Variants in RBM25 observed in about 807,000 individuals in gnomAD.
RBM25 encodes RNA binding motif protein 25.
In RBM25, 19 loss-of-function variants were observed where a neutral mutation model predicts 120.7. The observed-to-expected ratio is 0.16, with a 90% CI of 0.11 to 0.23. The LOEUF is 0.23. Among genes scored for constraint, RBM25 ranks in the 10% least tolerant of loss-of-function variants. The pLI is 1.00. For synonymous variants in RBM25, 390 were observed against 326.7 expected (o/e 1.19, Z -2.09); for missense variants, 605 against 1,041.5 (o/e 0.58, Z 5.77).
intron 18 of RBM25, among the ~76,000 whole-genome samples, chr14:73,117,259 C>G (rs570515998): frequency 7.4e-4 from 59 of 79,282 alleles, no homozygotes; most frequent in Non-Finnish European, 9.5e-4. Flanking sequence ...CAGAGTCTTG[C>G]TCTGTTTCCC....
Position 73,099,755 on chromosome 14 carries a change from T to A in RBM25, c.867+5T>A. The A allele has an allele frequency of 3.1e-6, 5 of 1,597,126 alleles. No individual in the cohort carries two copies. The highest frequency in any genetic ancestry group is 4.3e-6 in the Non-Finnish European group (5 of 1,175,916). ...AAATTCAGAGACACACATAAGGTAGTATTCTTGTCTTTTCACTTGATACCA... is the reference window on the plus strand; with the variant it reads ...AAATTCAGAGACACACATAAGGTAGAATTCTTGTCTTTTCACTTGATACCA... On this transcript the variant is annotated splice_donor_5th_base_variant and intron_variant, in intron 9 of 18. Transcript: ENST00000261973.
chr14:73,094,223 G>A (rs901849534), intron 6 of RBM25, among the ~76,000 whole-genome samples: 7 of 151,380 alleles, frequency 4.6e-5, no homozygotes, highest in Admixed American at 4.6e-4. Context: ...AAAGTGCTGG[G>A]ATTATAGGTG....
At chr14:73,092,722 C>A (rs183676123) in intron 6 of RBM25, among the ~76,000 whole-genome samples, 2 of 152,098 alleles carry the variant, frequency 1.3e-5, no homozygotes, top group East Asian at 3.9e-4. Context: ...ATCCCTCCCA[C>A]CTGCCCCCCA....
At chr14:73,092,858 T>C (rs8009347) in intron 6 of RBM25, among the ~76,000 whole-genome samples, 80,851 of 151,974 alleles carry the variant, frequency 0.53, 21,942 homozygotes, top group East Asian at 0.69. Flanking sequence ...TGAGCCACTG[T>C]GCCCAGCCAG....
rs1425278799 is a variant in RBM25 at position 73,123,878 on chromosome 14, ATGT to A, written c.*4078_*4080del. 6.6e-6 allele frequency: 1 copy of A among 151,710 alleles called. No homozygotes were observed. The highest frequency in any genetic ancestry group is 1.5e-5 in the Non-Finnish European group (1 of 67,960). The allele number at this position is 151,710 out of a possible 1,614,324, so 9.4% of individuals were successfully genotyped here. On this transcript the variant is annotated 3_prime_UTR_variant, in exon 19 of 19. Transcript: ENST00000261973. ...CAAAAATAAAAATTCTTTTCAAGCC[ATGT>A]TGTTTGAATTAAATGACACTCCTGA...
intron 18 of RBM25, among the ~76,000 whole-genome samples, chr14:73,116,794 T>A (rs1420036473): frequency 6.6e-6 from 1 of 152,226 alleles, no homozygotes; most frequent in African/African-American, 2.4e-5. Context: ...TATTGATATT[T>A]GAAGTGTATT....
chr14:73,085,297 G>A (rs780205434), intron 5 of RBM25, among the ~76,000 whole-genome samples: 3 of 150,306 alleles, frequency 2.0e-5, no homozygotes, highest in African/African-American at 4.9e-5. Context: ...GATTACAGAC[G>A]TGAGCCACCG....
intron 5 of RBM25, among the ~76,000 whole-genome samples, chr14:73,084,404 G>A (rs1216934702): frequency 1.3e-5 from 2 of 152,066 alleles, no homozygotes; most frequent in Non-Finnish European, 2.9e-5. Context: ...AAGAAACTGG[G>A]TCATTTGTGC....
At chr14:73,087,499 C>T (rs978902574) in intron 5 of RBM25, among the ~76,000 whole-genome samples, 3 of 151,930 alleles carry the variant, frequency 2.0e-5, no homozygotes, top group Admixed American at 6.6e-5. Flanking sequence ...GGGTTCACGC[C>T]ATACTCCTGC....
intron 18 of RBM25, 66 bp downstream of exon 18, chr14:73,114,399 TA>T (rs1896379481): frequency 3.3e-6 from 4 of 1,209,232 alleles, no homozygotes; most frequent in Non-Finnish European, 4.7e-6. Context: ...TTTTTTGTCT[TA>T]AAATATAGAT....
At chr14:73,103,023 C>G in intron 9 of RBM25, 169 bp from the exon 10 acceptor site, 1 of 1,386,936 alleles carries the variant, frequency 7.2e-7, no homozygotes, top group Non-Finnish European at 9.8e-7. Flanking sequence ...CGAAATCTTT[C>G]TAGTCTTGTG....
chr14:73,091,715 A>G (rs1394057028), intron 6 of RBM25, among the ~76,000 whole-genome samples: 1 of 151,892 alleles, frequency 6.6e-6, no homozygotes, highest in Non-Finnish European at 1.5e-5. Flanking sequence ...CTACTAAAAA[A>G]AAAATACAAA....
chr14:73,101,218 G>C (rs1447107303), intron 9 of RBM25: 6 of 152,084 alleles, frequency 3.9e-5, no homozygotes. Context: ...TTGGCTAAAA[G>C]GGTTGTTTGA....
At chr14:73,063,520 A>T (rs1216148555) in intron 1 of RBM25, among the ~76,000 whole-genome samples, 1 of 151,410 alleles carries the variant, frequency 6.6e-6, no homozygotes, top group African/African-American at 2.4e-5. Context: ...ATATTTTAAA[A>T]AATGCTATGG....
In RBM25 at chr14:73,068,459, A is replaced by G. The variant is rs1365468145; in HGVS notation, c.-15-3168A>G. 2.8e-5 allele frequency: 22 copies of G among 798,800 alleles called. No homozygotes were observed. The Admixed American group carries it at 3.8e-4, about 14-fold the overall frequency. 49.5% of individuals were successfully genotyped at this position (798,800 alleles called of 1,614,324 possible). ...CAGACTACCAGCTGTATTATCAGGA[A>G]GGAACAAATCCAAGTTTTGACGTAT... is the stretch of plus-strand genomic sequence containing the variant. On this transcript the variant is annotated intron_variant, in intron 1 of 18. Coordinates refer to ENST00000261973, the MANE Select transcript of RBM25 (RefSeq NM_021239.3).
intron 10 of RBM25, among the ~76,000 whole-genome samples, chr14:73,103,903 CTG>C (rs1566597219): frequency 2.9e-3 from 226 of 77,348 alleles, no homozygotes; most frequent in Middle Eastern, 0.01. Flanking sequence ...GTCTGTCTGT[CTG>C]TCTCTCTCTC....
At chr14:73,059,125 G>T (rs1894937672) in intron 1 of RBM25, among the ~76,000 whole-genome samples, 1 of 152,002 alleles carries the variant, frequency 6.6e-6, no homozygotes, top group Non-Finnish European at 1.5e-5. Context: ...GGACACTCTC[G>T]CCCCAGCCGT....
intron 17 of RBM25, among the ~76,000 whole-genome samples, chr14:73,113,904 A>T (rs1896369778): frequency 6.6e-6 from 1 of 152,158 alleles, no homozygotes; most frequent in Admixed American, 6.5e-5. Context: ...ACATAGTCTT[A>T]ACTTTAATAA....
rs953583140 is a variant in RBM25, at chr14:73,122,832, T to C, written c.*3027T>C. The stretch of plus-strand genomic sequence containing the variant: ...TCTGGACAGCTCCCAGCTAATGTCA[T>C]TGCCAACTGATCCAAGACTACATTT... On this transcript the variant is annotated 3_prime_UTR_variant, in exon 19 of 19. Transcript: ENST00000261973. The C allele has an allele frequency of 2.0e-5, 3 of 152,214 alleles. No individual in the cohort carries two copies. The highest frequency in any genetic ancestry group is 7.2e-5 in the African/African-American group (3 of 41,466). The allele number at this position is 152,214 out of a possible 1,614,324, so 9.4% of individuals were successfully genotyped here.
Sources: allele counts gnomAD v4.1 joint callset (sites outside exome capture counted in the v4.1 genomes callset), GRCh38; gene constraint gnomAD v4.1.1; transcripts MANE v1.5; gene names NCBI Gene and HGNC (gene_info 2026-07-23, HGNC 2026-07-21).